Variants in MTMR7 observed in about 807,000 individuals in gnomAD.
MTMR7 encodes the protein phosphatidylinositol-3-phosphate phosphatase MTMR7.
A neutral mutation model predicts 81.2 loss-of-function variants in MTMR7; 76 were observed. The ratio of observed to expected loss-of-function variants is 0.94; its 90% CI spans 0.78 to 1.13. The LOEUF is 1.13. MTMR7 is among the 50% of genes most tolerant of loss of function. The probability of loss-of-function intolerance (pLI) is 0.00; values close to 1 mark genes in which losing one functional copy is unlikely to be tolerated. For missense variants in MTMR7, 1,044 were observed against 820.0 expected (o/e 1.27, Z -3.34); for synonymous variants, 372 against 289.8 (o/e 1.28, Z -2.88).
intron 7 of MTMR7, among the ~76,000 whole-genome samples, chr8:17,323,667 A>T (rs1586185657): frequency 6.6e-6 from 1 of 152,140 alleles, no homozygotes; most frequent in East Asian, 1.9e-4. Context: ...GTCATTCCAC[A>T]CACCTCATGC....
chr8:17,317,421 G>A (rs537645916), intron 7 of MTMR7, among the ~76,000 whole-genome samples: 3 of 152,288 alleles, frequency 2.0e-5, no homozygotes, highest in South Asian at 2.1e-4. Flanking sequence ...GAGGACAGCT[G>A]GGGCAGTAAC....
At chr8:17,368,100 A>G (rs904439257) in intron 3 of MTMR7, among the ~76,000 whole-genome samples, 13 of 152,010 alleles carry the variant, frequency 8.6e-5, no homozygotes, top group Middle Eastern at 3.4e-3. Flanking sequence ...GGGTTGGGGG[A>G]TAGTTTCAGG....
chr8:17,340,141 T>C lies in MTMR7; in HGVS notation c.732+1222A>G, dbSNP rs542712769. ...TAATTTTTGTTATTTTTAATAGAGA[T>C]GAGGTTTCACCATGTTGGTCAGGCT... On this transcript the variant is annotated intron_variant, in intron 6 of 13. Transcript: ENST00000180173. 4.6e-5 allele frequency among the ~76,000 whole-genome samples: 7 copies of C among 152,334 alleles called. No homozygotes were observed. In the South Asian group the frequency reaches 1.2e-3, roughly 27 times the overall value.
chr8:17,379,279 A>T (rs1316515719), intron 1 of MTMR7, among the ~76,000 whole-genome samples: 5 of 152,162 alleles, frequency 3.3e-5, no homozygotes, highest in African/African-American at 1.2e-4. Context: ...AGGCACTGAG[A>T]AAGTAGATAC....
At chr8:17,379,747 G>A (rs1289101280) in intron 1 of MTMR7, among the ~76,000 whole-genome samples, 5 of 152,154 alleles carry the variant, frequency 3.3e-5, no homozygotes, top group South Asian at 2.1e-4. Flanking sequence ...TGGGAAAAAT[G>A]CCTATACCTC....
chr8:17,385,366 A>G (rs1333465243), intron 1 of MTMR7, among the ~76,000 whole-genome samples: 2 of 151,646 alleles, frequency 1.3e-5, no homozygotes, highest in Non-Finnish European at 2.9e-5. Flanking sequence ...CGTGGGAGGG[A>G]CCTGGTGGGA....
In MTMR7 at chr8:17,298,846, G is replaced by T. The variant is rs558394199; in HGVS notation, c.*1016C>A. ...AAAATTCTTTTCAGAACTTTCAGCA[G>T]TCAGTGGTCATGAGATGTTACTAAG... On this transcript the variant is annotated 3_prime_UTR_variant, in exon 14 of 14. Coordinates refer to ENST00000180173, the MANE Select transcript of MTMR7 (RefSeq NM_004686.5). 1 of 152,404 alleles carries T rather than the reference G, an allele frequency of 6.6e-6. No individual in the cohort carries two copies. The highest frequency in any genetic ancestry group is 2.4e-5 in the African/African-American group (1 of 41,552). The allele number at this position is 152,404 out of a possible 1,614,324, so 9.4% of individuals were successfully genotyped here.
chr8:17,377,763 T>C (rs1316332620), intron 1 of MTMR7, among the ~76,000 whole-genome samples: 3 of 152,150 alleles, frequency 2.0e-5, no homozygotes, highest in African/African-American at 7.2e-5. Context: ...TAATTGCACT[T>C]TTTATTTCTT....
chr8:17,312,283 ACT>A (rs759147588), intron 8 of MTMR7, among the ~76,000 whole-genome samples: 2 of 152,112 alleles, frequency 1.3e-5, no homozygotes, highest in Non-Finnish European at 1.5e-5. Flanking sequence ...GTTTATTAAT[ACT>A]CTGTCTCAGC....
chr8:17,399,320 C>G (rs1211360332), intron 1 of MTMR7, among the ~76,000 whole-genome samples: 1 of 152,072 alleles, frequency 6.6e-6, no homozygotes, highest in Non-Finnish European at 1.5e-5. Flanking sequence ...AAAACAGTAG[C>G]GTTCATGTAT....
chr8:17,333,997 T>C (rs543131413), intron 6 of MTMR7, among the ~76,000 whole-genome samples: 1 of 152,228 alleles, frequency 6.6e-6, no homozygotes, highest in African/African-American at 2.4e-5. Context: ...AATATTATTT[T>C]AACCTATAAT....
chr8:17,329,233 G>T (rs1427518668), intron 7 of MTMR7, among the ~76,000 whole-genome samples: 1 of 152,194 alleles, frequency 6.6e-6, no homozygotes, highest in African/African-American at 2.4e-5. Flanking sequence ...AGCCTTAGAA[G>T]GTGGGTCTGA....
chr8:17,318,799 G>A (rs955874356), intron 7 of MTMR7, among the ~76,000 whole-genome samples: 3 of 152,154 alleles, frequency 2.0e-5, no homozygotes, highest in African/African-American at 7.2e-5. Context: ...GCCCCCCAGG[G>A]ACAGCTGACA....
At chr8:17,320,541 T>C (rs756605) in intron 7 of MTMR7, among the ~76,000 whole-genome samples, 1 of 151,908 alleles carries the variant, frequency 6.6e-6, no homozygotes, top group African/African-American at 2.4e-5. Context: ...AAGCTGATGA[T>C]CTAGAAGCCA....
intron 3 of MTMR7, among the ~76,000 whole-genome samples, chr8:17,365,185 T>C (rs1438224743): frequency 1.3e-5 from 2 of 152,156 alleles, no homozygotes; most frequent in African/African-American, 4.8e-5. Flanking sequence ...GAGCGTTTGT[T>C]CATGTATCTG....
At chr8:17,305,255 T>C (rs570446955) in intron 11 of MTMR7, among the ~76,000 whole-genome samples, 31 of 152,364 alleles carry the variant, frequency 2.0e-4, no homozygotes, top group Non-Finnish European at 4.4e-4. Flanking sequence ...AAATGTTCTC[T>C]CATGTATACT....
intron 5 of MTMR7, 42 bp downstream of exon 5, chr8:17,348,911 A>G (rs1819641684): frequency 6.2e-7 from 1 of 1,611,716 alleles, no homozygotes; most frequent in Non-Finnish European, 8.5e-7. Context: ...ATGATAAACT[A>G]GAAAAGCAAA....
At position 17,409,765 on chromosome 8, in the gene MTMR7, C is replaced by T. The variant is rs76260730; in HGVS notation, c.24+3504G>A. 9.1e-3 allele frequency among the ~76,000 whole-genome samples: 1,383 copies of T among 152,224 alleles called. 25 individuals carry two copies. Among genetic ancestry groups the T allele is most frequent in the African/African-American group, 0.03 (1,252 of 41,532 alleles). On this transcript the variant is annotated intron_variant, in intron 1 of 13. Coordinates refer to ENST00000180173, the MANE Select transcript of MTMR7 (RefSeq NM_004686.5). Reference sequence around the variant, plus strand: ...TGATTTAGATGGGGGAGTTGGACAACAGCCTGAGAAATCACAATTTGAAAC... The same window carrying T: ...TGATTTAGATGGGGGAGTTGGACAATAGCCTGAGAAATCACAATTTGAAAC...
At chr8:17,354,329 AACTG>A (rs1819821547) in intron 4 of MTMR7, among the ~76,000 whole-genome samples, 1 of 152,230 alleles carries the variant, frequency 6.6e-6, no homozygotes, top group South Asian at 2.1e-4. Flanking sequence ...AGCTTTAATA[AACTG>A]ACTGGTTTGG....
Sources: allele counts gnomAD v4.1 joint callset (sites outside exome capture counted in the v4.1 genomes callset), GRCh38; gene constraint gnomAD v4.1.1; transcripts MANE v1.5; gene names NCBI Gene and HGNC (gene_info 2026-07-23, HGNC 2026-07-21).